CTNNA3: variants seen among roughly 807,000 people sequenced by gnomAD.
CTNNA3 encodes the protein catenin alpha-3.
Under a neutral mutation model 95.7 loss-of-function variants are expected in CTNNA3, and 76 were observed. The observed-to-expected ratio is 0.79, with a 90% CI of 0.66 to 0.96. The LOEUF (loss-of-function observed/expected upper bound fraction) is 0.96. Among genes scored for constraint, CTNNA3 ranks in the 40% least tolerant of loss-of-function variants. CTNNA3 has a pLI of 0.00. For synonymous variants in CTNNA3, 431 were observed against 374.4 expected (o/e 1.15, Z -1.74); for missense variants, 1,191 against 1,089.8 (o/e 1.09, Z -1.31).
intron 9 of CTNNA3, among the ~76,000 whole-genome samples, chr10:66,725,548 C>T (rs1166505763): frequency 2.0e-5 from 3 of 152,070 alleles, no homozygotes; most frequent in African/African-American, 7.2e-5. Flanking sequence ...AGCTTTAATG[C>T]CCTCTGTCAA....
chr10:66,330,245 G>A (rs1470436311), intron 12 of CTNNA3, among the ~76,000 whole-genome samples: 2 of 150,962 alleles, frequency 1.3e-5, no homozygotes, highest in African/African-American at 4.9e-5. Flanking sequence ...ACAGGCCCCG[G>A]TGTGTGATGT....
At chr10:65,996,768 G>A (rs77364814) in intron 15 of CTNNA3, among the ~76,000 whole-genome samples, 3,959 of 152,258 alleles carry the variant, frequency 0.026, 160 homozygotes, top group African/African-American at 0.09. Context: ...GACTCTCCAA[G>A]CTCCCAGGTG....
rs185217423 is a variant in CTNNA3, at chr10:66,867,956, T to C, written c.1048-92432A>G. On this transcript the variant is annotated intron_variant, in intron 7 of 17. Transcript: ENST00000433211. ...CAAAATGCCAAATATTTTTCTGCTT[T>C]AAATTTGAATGTTTTTAATATTAGC... Among the ~76,000 whole-genome samples, 862 of 149,422 alleles carry C rather than the reference T, an allele frequency of 5.8e-3. 5 individuals are homozygous for C. The highest frequency in any genetic ancestry group is 0.01 in the Non-Finnish European group (683 of 67,612).
chr10:66,890,946 A>G (rs1845246540), intron 7 of CTNNA3, among the ~76,000 whole-genome samples: 1 of 152,034 alleles, frequency 6.6e-6, no homozygotes, highest in Non-Finnish European at 1.5e-5. Flanking sequence ...TGCCCCACCC[A>G]CCTCAATTCT....
At chr10:66,413,250 C>G (rs1369606057) in intron 11 of CTNNA3, among the ~76,000 whole-genome samples, 2 of 151,970 alleles carry the variant, frequency 1.3e-5, no homozygotes, top group Non-Finnish European at 1.5e-5. Flanking sequence ...CTATTGGCAC[C>G]CCTTGAGAAC....
intron 9 of CTNNA3, among the ~76,000 whole-genome samples, chr10:66,646,861 C>T (rs1429300068): frequency 6.6e-6 from 1 of 152,070 alleles, no homozygotes; most frequent in Non-Finnish European, 1.5e-5. Flanking sequence ...AACAAAATTA[C>T]CTTGTAAATT....
intron 2 of CTNNA3, among the ~76,000 whole-genome samples, chr10:67,616,951 A>G (rs74657652): frequency 4.6e-5 from 7 of 152,174 alleles, no homozygotes; most frequent in Admixed American, 1.3e-4. Flanking sequence ...AGAAGAAGTC[A>G]CAGGACTGAG....
intron 15 of CTNNA3, among the ~76,000 whole-genome samples, chr10:66,067,142 G>A (rs1451372840): frequency 6.6e-6 from 1 of 152,076 alleles, no homozygotes; most frequent in Admixed American, 6.6e-5. Flanking sequence ...TCCAAGGCAG[G>A]TCACAGAAGC....
chr10:67,567,808 A>C (rs1489379613), intron 3 of CTNNA3, among the ~76,000 whole-genome samples: 2 of 152,148 alleles, frequency 1.3e-5, no homozygotes, highest in Non-Finnish European at 2.9e-5. Flanking sequence ...GCCTCCACCA[A>C]GGTCATCAAG....
At chr10:66,896,114 A>G (rs895101990) in intron 7 of CTNNA3, among the ~76,000 whole-genome samples, 1 of 151,998 alleles carries the variant, frequency 6.6e-6, no homozygotes, top group Non-Finnish European at 1.5e-5. Flanking sequence ...ATATAAAATA[A>G]AATAAAATAA....
intron 17 of CTNNA3, among the ~76,000 whole-genome samples, chr10:65,927,024 A>G (rs773580439): frequency 1.3e-5 from 2 of 152,136 alleles, no homozygotes; most frequent in African/African-American, 4.8e-5. Flanking sequence ...ATGAATAAAG[A>G]CAGTTGTATC....
At chr10:65,997,735 G>A (rs535299547) in intron 15 of CTNNA3, among the ~76,000 whole-genome samples, 3 of 152,032 alleles carry the variant, frequency 2.0e-5, no homozygotes, top group Non-Finnish European at 4.4e-5. Context: ...AAAGAAAAAC[G>A]TCCGGGAGCA....
At chr10:67,116,829 GCTTTA>G (rs1279418549) in intron 7 of CTNNA3, among the ~76,000 whole-genome samples, 3 of 150,390 alleles carry the variant, frequency 2.0e-5, no homozygotes, top group East Asian at 1.9e-4. Flanking sequence ...AAATTCTATA[GCTTTA>G]CTTTATATGT....
At chr10:66,746,718 A>T (rs1021343734) in intron 9 of CTNNA3, among the ~76,000 whole-genome samples, 2 of 152,208 alleles carry the variant, frequency 1.3e-5, no homozygotes, top group African/African-American at 4.8e-5. Context: ...AGAGAGAGAG[A>T]GAGATGAAGG....
At chr10:65,965,833 T>C (rs1279555702) in intron 17 of CTNNA3, among the ~76,000 whole-genome samples, 1 of 152,128 alleles carries the variant, frequency 6.6e-6, no homozygotes, top group African/African-American at 2.4e-5. Flanking sequence ...AATATACTAG[T>C]GTAATTAAAA....
chr10:67,187,836 TTGACCTCCCACAGTGCTGGAATTATAGG>T (rs1453651627), intron 6 of CTNNA3, among the ~76,000 whole-genome samples: 1 of 152,182 alleles, frequency 6.6e-6, no homozygotes, highest in Non-Finnish European at 1.5e-5. Context: ...TCCACCTGCC[TTGACCTCCCACAGTGCTGGAATTATAGG>T]TGTAAGCCAC....
At chr10:66,164,670 T>G (rs1017969951) in intron 13 of CTNNA3, among the ~76,000 whole-genome samples, 7 of 152,196 alleles carry the variant, frequency 4.6e-5, no homozygotes, top group Non-Finnish European at 8.8e-5. Context: ...TATTTAATTA[T>G]AGAACAATTG....
intron 5 of CTNNA3, among the ~76,000 whole-genome samples, chr10:67,404,798 A>G (rs1589258423): frequency 6.6e-6 from 1 of 152,302 alleles, no homozygotes; most frequent in East Asian, 1.9e-4. Context: ...AAAAATGTCA[A>G]AGGCCACTGG....
At chr10:66,027,031 T>C (rs945434936) in intron 15 of CTNNA3, among the ~76,000 whole-genome samples, 5 of 152,102 alleles carry the variant, frequency 3.3e-5, no homozygotes, top group African/African-American at 4.8e-5. Flanking sequence ...CAAATGGATA[T>C]AAAGTCTAGG....
Sources: gnomAD v4.1 joint callset for allele counts (sites outside exome capture counted in the v4.1 genomes callset) on GRCh38, gnomAD v4.1.1 for gene constraint, MANE v1.5 for transcripts, NCBI Gene and HGNC (gene_info 2026-07-23, HGNC 2026-07-21) for gene names.